SGCD: variants seen among roughly 807,000 people sequenced by gnomAD.
SGCD encodes delta-sarcoglycan.
SGCD carries 18 observed loss-of-function variants against 36.6 expected under a neutral mutation model. That is an observed-to-expected ratio of 0.49 (90% CI 0.34 to 0.73). SGCD has a LOEUF of 0.73. Among genes scored for constraint, SGCD ranks in the 30% least tolerant of loss-of-function variants. The pLI, the probability that SGCD is intolerant of heterozygous loss-of-function variation, is 0.01. For missense variants in SGCD, 387 were observed against 346.7 expected, an observed-to-expected ratio of 1.12 and a Z score of -0.92; for synonymous variants, 133 against 130.6, an observed-to-expected ratio of 1.02 and a Z score of -0.12.
chr5:156,526,819 A>G (rs903560716), intron 4 of SGCD, among the ~76,000 whole-genome samples: 2 of 152,198 alleles, frequency 1.3e-5, no homozygotes, highest in Non-Finnish European at 2.9e-5. Context: ...GAAAACAGAG[A>G]TACGTATTCA....
intron 3 of SGCD, among the ~76,000 whole-genome samples, chr5:156,363,047 T>TA (rs1370079677): frequency 1.3e-5 from 2 of 152,086 alleles, no homozygotes; most frequent in Non-Finnish European, 2.9e-5. Flanking sequence ...CTTTTTTTTT[T>TA]AATGGGTGAG....
At chr5:156,008,836 G>A (rs1311280371) in intron 1 of SGCD, among the ~76,000 whole-genome samples, 2 of 152,144 alleles carry the variant, frequency 1.3e-5, no homozygotes, top group Admixed American at 6.5e-5. Context: ...TCTTTTGCAG[G>A]AGGCACAATT....
chr5:155,827,665 A>T, the SGCD span, among the ~76,000 whole-genome samples: 1 of 144,956 alleles, frequency 6.9e-6, no homozygotes, highest in Admixed American at 7.2e-5. Context: ...CTCTTCTCTA[A>T]ATAATTCTTT....
chr5:156,179,341 C>T (rs377459582), intron 3 of SGCD, among the ~76,000 whole-genome samples: 27 of 152,166 alleles, frequency 1.8e-4, no homozygotes, highest in Middle Eastern at 6.8e-3. Context: ...TATATAAAAT[C>T]CCATTATACG....
At chr5:155,808,999 C>T in the SGCD span, among the ~76,000 whole-genome samples, 3 of 152,190 alleles carry the variant, frequency 2.0e-5, no homozygotes, top group Non-Finnish European at 2.9e-5. Flanking sequence ...TGCCAGTCAA[C>T]GTCTTACATG....
chr5:156,446,720 T>C (rs931939174), intron 3 of SGCD, among the ~76,000 whole-genome samples: 1 of 152,132 alleles, frequency 6.6e-6, no homozygotes, highest in Non-Finnish European at 1.5e-5. Context: ...ATAATTGTTA[T>C]GCAAATTACC....
At chr5:156,378,526 G>A (rs189201303) in intron 3 of SGCD, among the ~76,000 whole-genome samples, 27 of 152,160 alleles carry the variant, frequency 1.8e-4, no homozygotes, top group South Asian at 8.3e-4. Context: ...AATGTTTTCC[G>A]TGTTGTGTCT....
intron 3 of SGCD, among the ~76,000 whole-genome samples, chr5:156,279,400 T>C (rs765742861): frequency 6.6e-6 from 1 of 152,174 alleles, no homozygotes; most frequent in Non-Finnish European, 1.5e-5. Context: ...ACTTAGAGTT[T>C]ATACCCAATA....
At chr5:156,589,446 T>C (rs541488895) in intron 5 of SGCD, 128 bp downstream of exon 5, 3 of 597,452 alleles carry the variant, frequency 5.0e-6, no homozygotes, top group African/African-American at 1.8e-5. Context: ...AGAAAGAGAA[T>C]GTAGCATGTG....
intron 7 of SGCD, among the ~76,000 whole-genome samples, chr5:156,719,527 G>A (rs1223481683): frequency 6.6e-6 from 1 of 152,160 alleles, no homozygotes; most frequent in Non-Finnish European, 1.5e-5. Context: ...GCAAGATTCA[G>A]TTTAATATGC....
intron 3 of SGCD, among the ~76,000 whole-genome samples, chr5:156,193,295 G>A (rs900748208): frequency 1.3e-5 from 2 of 152,088 alleles, no homozygotes; most frequent in Non-Finnish European, 2.9e-5. Context: ...AGCCATACAG[G>A]AACGCGTGCT....
intron 6 of SGCD, among the ~76,000 whole-genome samples, chr5:156,619,320 G>C (rs773916651): frequency 2.8e-4 from 43 of 152,082 alleles, no homozygotes; most frequent in Non-Finnish European, 5.7e-4. Context: ...CTGCCGAGCC[G>C]GCCGAAGAGA....
At chr5:156,314,438 A>T (rs1581237296) in intron 3 of SGCD, among the ~76,000 whole-genome samples, 2 of 152,054 alleles carry the variant, frequency 1.3e-5, no homozygotes, top group Admixed American at 6.6e-5. Flanking sequence ...CATTATATTA[A>T]ACTGTCTATT....
Position 156,647,551 on chromosome 5 carries a change from T to G in SGCD, c.575+15T>G, listed in dbSNP as rs1306543861. 1.3e-6 allele frequency: 2 copies of G among 1,523,850 alleles called. No individual in the cohort carries two copies. Among genetic ancestry groups the G allele is most frequent in the Admixed American group, 3.8e-5 (2 of 52,290 alleles). The allele number at this position is 1,523,850 out of a possible 1,614,324, so 94.4% of individuals were successfully genotyped here. A position where few individuals can be genotyped will look rare whatever the true frequency, so the allele number is the denominator to read the frequency against. On this transcript the variant is annotated intron_variant, in intron 7 of 8. Coordinates refer to ENST00000337851, the MANE Select transcript of SGCD (RefSeq NM_000337.6). ...AAAGAACTAAGGTAAACTTCTGACTTTGGTTTGCATTGATTAATGGCTATT... is the reference window on the plus strand; with the variant it reads ...AAAGAACTAAGGTAAACTTCTGACTGTGGTTTGCATTGATTAATGGCTATT...
the SGCD span, among the ~76,000 whole-genome samples, chr5:155,812,390 C>G: frequency 6.6e-6 from 1 of 152,182 alleles, no homozygotes; most frequent in Non-Finnish European, 1.5e-5. Flanking sequence ...GCTGTTGGCT[C>G]GTTCTGGCGG....
chr5:156,202,678 CA>C (rs1483504533), intron 3 of SGCD, among the ~76,000 whole-genome samples: 1 of 151,348 alleles, frequency 6.6e-6, no homozygotes. Context: ...TAGGGTCTCA[CA>C]GGGGTGTCAG....
At chr5:155,972,722 C>T (rs73301393) in intron 1 of SGCD, among the ~76,000 whole-genome samples, 6,549 of 152,170 alleles carry the variant, frequency 0.043, 487 homozygotes, top group African/African-American at 0.15. Flanking sequence ...CTACACTCCA[C>T]GCTAGCACCA....
In SGCD at chr5:156,554,287, G is replaced by A. The variant is rs117379818; in HGVS notation, c.295-34944G>A. Among the ~76,000 whole-genome samples the A allele has an allele frequency of 4.2e-4, 64 of 150,616 alleles. No individual in the cohort carries two copies. The East Asian group carries it at 9.8e-3, about 23-fold the overall frequency. Reference sequence around the variant, plus strand: ...CAAGAATTGCTTGAAATCAGGAGGCGAAGGTTGTAATGAGCTGAGATCACG... The same window carrying A: ...CAAGAATTGCTTGAAATCAGGAGGCAAAGGTTGTAATGAGCTGAGATCACG... On this transcript the variant is annotated intron_variant, in intron 4 of 8. Coordinates refer to ENST00000337851, the MANE Select transcript of SGCD (RefSeq NM_000337.6).
intron 3 of SGCD, among the ~76,000 whole-genome samples, chr5:156,194,074 C>T (rs1476566708): frequency 6.6e-6 from 1 of 152,118 alleles, no homozygotes; most frequent in Non-Finnish European, 1.5e-5. Context: ...ATTATTTGGG[C>T]ATTTAATACT....
Sources: allele counts gnomAD v4.1 joint callset (sites outside exome capture counted in the v4.1 genomes callset), GRCh38; gene constraint gnomAD v4.1.1; transcripts MANE v1.5; gene names NCBI Gene and HGNC (gene_info 2026-07-23, HGNC 2026-07-21).